Variants in MCC observed in about 807,000 individuals in gnomAD.
MCC encodes colorectal mutant cancer protein.
A neutral mutation model predicts 116.2 loss-of-function variants in MCC; 90 were observed. The observed-to-expected ratio is 0.77, with a 90% CI of 0.65 to 0.92. MCC has a LOEUF of 0.92. Among genes scored for constraint, MCC ranks in the 40% least tolerant of loss-of-function variants. The probability of loss-of-function intolerance (pLI) is 0.00; values close to 1 mark genes in which losing one functional copy is unlikely to be tolerated. For missense variants in MCC, 1,516 were observed against 1,312.2 expected, an observed-to-expected ratio of 1.16 and a Z score of -2.40; for synonymous variants, 578 against 510.5, an observed-to-expected ratio of 1.13 and a Z score of -1.78.
intron 5 of MCC, among the ~76,000 whole-genome samples, chr5:113,135,463 G>A (rs1400713728): frequency 3.4e-5 from 5 of 149,252 alleles, no homozygotes; most frequent in African/African-American, 1.2e-4. Context: ...GGAGGCTGAG[G>A]CAGGAGAATG....
chr5:113,253,607 C>T (rs1017487383), intron 3 of MCC, among the ~76,000 whole-genome samples: 2 of 152,128 alleles, frequency 1.3e-5, no homozygotes, highest in African/African-American at 4.8e-5. Context: ...GAAGCTAAGT[C>T]AGCTGCTACA....
At chr5:113,464,990 T>A (rs1771855128) in intron 1 of MCC, among the ~76,000 whole-genome samples, 3 of 152,116 alleles carry the variant, frequency 2.0e-5, no homozygotes, top group African/African-American at 2.4e-5. Context: ...TGCAGAGATA[T>A]CAATTCTCTT....
intron 1 of MCC, among the ~76,000 whole-genome samples, chr5:113,449,811 G>C (rs979933242): frequency 1.4e-4 from 22 of 152,166 alleles, no homozygotes; most frequent in African/African-American, 5.1e-4. Flanking sequence ...ACTGATCTTA[G>C]AAGTTTCTTC....
intron 1 of MCC, among the ~76,000 whole-genome samples, chr5:113,482,112 T>C (rs1772396027): frequency 6.6e-6 from 1 of 152,248 alleles, no homozygotes. Context: ...CTTTTTATGG[T>C]TGAAAAATAT....
chr5:113,448,721 G>A (rs958581469), intron 1 of MCC, among the ~76,000 whole-genome samples: 2 of 151,800 alleles, frequency 1.3e-5, no homozygotes, highest in African/African-American at 4.8e-5. Context: ...ATTTTTTCCC[G>A]GAATTACAAA....
chr5:113,317,371 T>C (rs1767310637), intron 3 of MCC, among the ~76,000 whole-genome samples: 1 of 152,216 alleles, frequency 6.6e-6, no homozygotes, highest in African/African-American at 2.4e-5. Context: ...ATTTCTGAGT[T>C]TGCTAGAAAA....
chr5:113,348,675 C>T (rs1025037816), intron 2 of MCC, among the ~76,000 whole-genome samples: 6 of 151,342 alleles, frequency 4.0e-5, no homozygotes, highest in African/African-American at 1.5e-4. Context: ...CAAATCAAAC[C>T]CAAAATTAGT....
At chr5:113,079,048 T>C (rs984615779) in intron 11 of MCC, among the ~76,000 whole-genome samples, 1 of 152,158 alleles carries the variant, frequency 6.6e-6, no homozygotes, top group Non-Finnish European at 1.5e-5. Context: ...ATGAGTGGAC[T>C]CCCATTCACA....
chr5:113,275,629 A>G (rs979327066), intron 3 of MCC, among the ~76,000 whole-genome samples: 2 of 152,188 alleles, frequency 1.3e-5, no homozygotes, highest in East Asian at 3.8e-4. Context: ...GGATTCTACC[A>G]ACCATAGATC....
At chr5:113,044,426 A>G in intron 16 of MCC, 3 of 918,666 alleles carry the variant, frequency 3.3e-6, no homozygotes, top group Non-Finnish European at 3.9e-6. Context: ...TTCCATGCAC[A>G]GAGAGGACAG....
intron 2 of MCC, among the ~76,000 whole-genome samples, chr5:113,356,340 T>A (rs1469184460): frequency 6.7e-6 from 1 of 149,430 alleles, no homozygotes; most frequent in Non-Finnish European, 1.5e-5. Flanking sequence ...TGCATTTATA[T>A]ATAATATGCC....
At chr5:113,446,318 A>G (rs1309879679) in intron 1 of MCC, among the ~76,000 whole-genome samples, 3 of 152,226 alleles carry the variant, frequency 2.0e-5, no homozygotes, top group African/African-American at 7.2e-5. Context: ...GACAACCTAC[A>G]GAATGGAAAA....
At chr5:113,130,597 G>C (rs996614336) in intron 5 of MCC, among the ~76,000 whole-genome samples, 9 of 152,302 alleles carry the variant, frequency 5.9e-5, no homozygotes, top group African/African-American at 2.2e-4. Context: ...TCTAGTGGGA[G>C]GTGTCTGGGT....
In MCC at chr5:113,307,244, C is replaced by T. The variant is rs555764366; in HGVS notation, c.627+33275G>A. On this transcript the variant is annotated intron_variant, in intron 3 of 18. Coordinates refer to ENST00000408903, the MANE Select transcript of MCC (RefSeq NM_001085377.2). ...AGTCTGTAGATCAGTTTGGGAATATCGACATTTTAATAATATTAGGTCTTC... is the reference window on the plus strand; with the variant it reads ...AGTCTGTAGATCAGTTTGGGAATATTGACATTTTAATAATATTAGGTCTTC... 4.6e-5 allele frequency among the ~76,000 whole-genome samples: 7 copies of T among 152,186 alleles called. No homozygotes were observed. The East Asian group carries it at 7.7e-4, about 17-fold the overall frequency.
chr5:113,277,483 C>T (rs1765873956), intron 3 of MCC, among the ~76,000 whole-genome samples: 1 of 152,176 alleles, frequency 6.6e-6, no homozygotes, highest in Non-Finnish European at 1.5e-5. Flanking sequence ...ATCATGCCTG[C>T]ATACTCCTTA....
chr5:113,449,047 C>T (rs148768911), intron 1 of MCC, among the ~76,000 whole-genome samples: 120 of 152,310 alleles, frequency 7.9e-4, no homozygotes, highest in African/African-American at 2.6e-3. Flanking sequence ...TCAGTGTCTG[C>T]CCAGTCTCTA....
intron 1 of MCC, among the ~76,000 whole-genome samples, chr5:113,421,215 G>A (rs1190523315): frequency 6.6e-6 from 1 of 151,886 alleles, no homozygotes; most frequent in African/African-American, 2.4e-5. Flanking sequence ...TAGTAGAAAC[G>A]GGGTTTCTCC....
chr5:113,042,761 G>T (rs1023102893), intron 17 of MCC, among the ~76,000 whole-genome samples: 1 of 151,488 alleles, frequency 6.6e-6, no homozygotes, highest in Non-Finnish European at 1.5e-5. Context: ...ATACATACCA[G>T]GTTTTGAAAA....
chr5:113,233,092 A>G (rs1763997127), intron 3 of MCC, among the ~76,000 whole-genome samples: 1 of 152,196 alleles, frequency 6.6e-6, no homozygotes, highest in Admixed American at 6.6e-5. Context: ...AAACCTGACT[A>G]TCACTAATAT....
Sources: gnomAD v4.1 joint callset for allele counts (sites outside exome capture counted in the v4.1 genomes callset) on GRCh38, gnomAD v4.1.1 for gene constraint, MANE v1.5 for transcripts, NCBI Gene and HGNC (gene_info 2026-07-23, HGNC 2026-07-21) for gene names.